CTNNA3: variants seen among roughly 807,000 people sequenced by gnomAD.
The protein encoded by CTNNA3 is catenin alpha-3.
In CTNNA3, 76 loss-of-function variants were observed where a neutral mutation model predicts 95.7. The observed-to-expected ratio is 0.79, with a 90% CI of 0.66 to 0.96. CTNNA3 has a LOEUF of 0.96. Ranked by LOEUF, CTNNA3 falls within the 40% of genes least tolerant of loss-of-function variation. CTNNA3 has a pLI of 0.00. For missense variants in CTNNA3, 1,191 were observed against 1,089.8 expected (o/e 1.09, Z -1.31); for synonymous variants, 431 against 374.4 (o/e 1.15, Z -1.74).
chr10:66,821,480 C>G (rs1179193110), intron 7 of CTNNA3, among the ~76,000 whole-genome samples: 1 of 152,006 alleles, frequency 6.6e-6, no homozygotes, highest in Non-Finnish European at 1.5e-5. Flanking sequence ...ACTGAGGAAT[C>G]CAGGTATTCA....
At chr10:66,064,237 A>G (rs1457301611) in intron 15 of CTNNA3, among the ~76,000 whole-genome samples, 1 of 152,172 alleles carries the variant, frequency 6.6e-6, no homozygotes, top group Non-Finnish European at 1.5e-5. Flanking sequence ...TCACGTGAAC[A>G]GCATGGGGGA....
intron 11 of CTNNA3, among the ~76,000 whole-genome samples, chr10:66,456,613 T>A (rs993543576): frequency 6.6e-6 from 1 of 151,900 alleles, no homozygotes; most frequent in Non-Finnish European, 1.5e-5. Context: ...GAGGCAGAAG[T>A]TGTGGTGAGC....
At position 67,017,079 on chromosome 10, in the gene CTNNA3, C is replaced by A. The variant is rs558280267; in HGVS notation, c.1047+163238G>T. Among the ~76,000 whole-genome samples the A allele has an allele frequency of 1.8e-4, 27 of 152,204 alleles. No homozygotes were observed. In the South Asian group the frequency reaches 5.6e-3, roughly 32 times the overall value. On this transcript the variant is annotated intron_variant, in intron 7 of 17. Coordinates refer to ENST00000433211, the MANE Select transcript of CTNNA3 (RefSeq NM_013266.4). ...CCAAGATCTGGAATCTCATGGAGCT[C>A]ACAGATTTATAGCTAATCATTGTAT...
chr10:67,519,457 T>A (rs1056581979), intron 5 of CTNNA3, among the ~76,000 whole-genome samples: 24 of 152,336 alleles, frequency 1.6e-4, no homozygotes, highest in African/African-American at 5.5e-4. Flanking sequence ...CAGCCCTTGG[T>A]ATCCAGGAAA....
At chr10:66,974,690 TTTTTG>T (rs1211779021) in intron 7 of CTNNA3, among the ~76,000 whole-genome samples, 1 of 152,198 alleles carries the variant, frequency 6.6e-6, no homozygotes, top group Non-Finnish European at 1.5e-5. Context: ...TGACTTTTTG[TTTTTG>T]TTTTGTCATT....
At chr10:67,671,307 T>C (rs1840427301) in intron 1 of CTNNA3, among the ~76,000 whole-genome samples, 1 of 152,152 alleles carries the variant, frequency 6.6e-6, no homozygotes, top group African/African-American at 2.4e-5. Flanking sequence ...AGAGCAGAAC[T>C]ATAGAAAGAA....
chr10:66,496,710 A>G (rs879726696), intron 11 of CTNNA3, among the ~76,000 whole-genome samples: 3 of 152,194 alleles, frequency 2.0e-5, no homozygotes, highest in Non-Finnish European at 2.9e-5. Flanking sequence ...ACACACGACA[A>G]AGGAAATCAA....
chr10:67,651,319 C>A lies in CTNNA3; in HGVS notation c.-5-3801G>T, dbSNP rs544189882. 2.6e-5 allele frequency among the ~76,000 whole-genome samples: 4 copies of A among 152,238 alleles called. No homozygotes were observed. The South Asian group carries it at 8.3e-4, about 32-fold the overall frequency. On this transcript the variant is annotated intron_variant, in intron 1 of 17. Coordinates refer to ENST00000433211, the MANE Select transcript of CTNNA3 (RefSeq NM_013266.4). ...ATTATTGCAAACTCAAGTCTCTCAT[C>A]ACATCTTTAAACAAATGATTTTTAT...
intron 7 of CTNNA3, among the ~76,000 whole-genome samples, chr10:67,029,257 C>T (rs1469508860): frequency 6.6e-6 from 1 of 152,204 alleles, no homozygotes. Context: ...CATGAATTTA[C>T]AGTTGAAATA....
At chr10:66,511,538 A>G (rs1028009486) in intron 11 of CTNNA3, among the ~76,000 whole-genome samples, 1 of 149,922 alleles carries the variant, frequency 6.7e-6, no homozygotes, top group African/African-American at 2.5e-5. Context: ...TCTGTGTTCC[A>G]TAGGTTTTTT....
intron 12 of CTNNA3, among the ~76,000 whole-genome samples, chr10:66,324,112 G>A (rs1019578007): frequency 3.3e-5 from 5 of 151,900 alleles, no homozygotes; most frequent in African/African-American, 9.6e-5. Flanking sequence ...ATGAGGTCAG[G>A]GGTTCCAGTC....
chr10:67,112,874 A>AT (rs111274147), intron 7 of CTNNA3, among the ~76,000 whole-genome samples: 30,499 of 151,818 alleles, frequency 0.2, 5,549 homozygotes, highest in African/African-American at 0.49. Flanking sequence ...ATGGAATATC[A>AT]TTTTTTAAAA....
intron 7 of CTNNA3, among the ~76,000 whole-genome samples, chr10:66,920,370 T>C (rs16923760): frequency 0.12 from 18,730 of 152,198 alleles, 1,731 homozygotes; most frequent in East Asian, 0.38. Flanking sequence ...TCAACTGACA[T>C]ATGCAATAAA....
chr10:67,694,144 C>T (rs138743605), intron 1 of CTNNA3, among the ~76,000 whole-genome samples: 5 of 152,260 alleles, frequency 3.3e-5, no homozygotes, highest in African/African-American at 1.2e-4. Flanking sequence ...CTGTTATTTT[C>T]ATGTGCAAAG....
At chr10:66,271,562 T>C (rs2091281655) in intron 13 of CTNNA3, among the ~76,000 whole-genome samples, 1 of 152,226 alleles carries the variant, frequency 6.6e-6, no homozygotes, top group Admixed American at 6.5e-5. Flanking sequence ...AACTCTAAGA[T>C]TCTGCAAGTA....
intron 5 of CTNNA3, among the ~76,000 whole-genome samples, chr10:67,222,462 TAGCACA>T (rs1864707022): frequency 6.6e-6 from 1 of 152,188 alleles, no homozygotes; most frequent in Admixed American, 6.5e-5. Flanking sequence ...ATTGAGTACA[TAGCACA>T]TCAGAAATGG....
In CTNNA3 at chr10:67,021,695, A is replaced by G. The variant is rs186392731; in HGVS notation, c.1047+158622T>C. Among the ~76,000 whole-genome samples the G allele has an allele frequency of 1.2e-4, 18 of 152,316 alleles. 1 individual carries two copies. Among genetic ancestry groups the G allele is most frequent in the Non-Finnish European group, 1.5e-4 (10 of 68,008 alleles). On this transcript the variant is annotated intron_variant, in intron 7 of 17. Coordinates refer to ENST00000433211, the MANE Select transcript of CTNNA3 (RefSeq NM_013266.4). ...GAAAAAAATGGCAAAAGTACATATA[A>G]AATTAAAAGTTGAGATACTAAAAAA...
intron 7 of CTNNA3, among the ~76,000 whole-genome samples, chr10:66,821,681 G>A (rs1238562482): frequency 6.6e-6 from 1 of 152,160 alleles, no homozygotes; most frequent in Non-Finnish European, 1.5e-5. Context: ...ATGACACCAT[G>A]TTGTCACCTC....
chr10:66,004,790 G>C (rs1376622874), intron 15 of CTNNA3, among the ~76,000 whole-genome samples: 1 of 152,184 alleles, frequency 6.6e-6, no homozygotes, highest in African/African-American at 2.4e-5. Context: ...AATTCTTACA[G>C]TTCCCTCTGT....
Sources: gnomAD v4.1 joint callset for allele counts (sites outside exome capture counted in the v4.1 genomes callset) on GRCh38, gnomAD v4.1.1 for gene constraint, MANE v1.5 for transcripts, NCBI Gene and HGNC (gene_info 2026-07-23, HGNC 2026-07-21) for gene names.